SPINK13: variants seen among roughly 807,000 people sequenced by gnomAD.
SPINK13 encodes serine protease inhibitor Kazal-type 13.
Under a neutral mutation model 11.0 loss-of-function variants are expected in SPINK13, and 11 were observed. The observed-to-expected ratio is 1.00, with a 90% CI of 0.63 to 1.65. The LOEUF is 1.65. Ranked by LOEUF, SPINK13 falls within the 40% of genes most tolerant of loss-of-function variation. The pLI is 0.00. For synonymous variants in SPINK13, 31 were observed against 35.6 expected (o/e 0.87, Z 0.46); for missense variants, 113 against 117.7 (o/e 0.96, Z 0.19).
chr5:148,282,229 G>C lies in SPINK13; in HGVS notation c.234G>C (p.Gln78His). The change falls in exon 4 of 5, where the codon CAG becomes CAC. Residue 78 changes from glutamine (Q) to histidine (H), a missense_variant and splice_region_variant. Physicochemically the swap from Gln to His is conservative, Grantham distance 24 (BLOSUM62 0). Coordinates refer to ENST00000398450, the MANE Select transcript of SPINK13 (RefSeq NM_001040129.3). ...ATGAGTGTTTCTTTTGTGTTGAACA[G>C]AGGTAAGTTCAGAATAAAATGCCAT... ...FQNECFFCVE[Q>H]REFHYRIKFE... 6.2e-7 allele frequency: 1 copy of C among 1,614,142 alleles called. No individual in the cohort carries two copies. The highest frequency in any genetic ancestry group is 8.5e-7 in the Non-Finnish European group (1 of 1,180,014).
At chr5:148,280,515 G>A (rs1835914) in intron 3 of SPINK13, among the ~76,000 whole-genome samples, 11,712 of 152,248 alleles carry the variant, frequency 0.077, 1,466 homozygotes, top group African/African-American at 0.27. Flanking sequence ...GCTTTCGTTT[G>A]TTAGTTTGCC....
At chr5:148,269,492 C>T (rs565797223) in intron 1 of SPINK13, among the ~76,000 whole-genome samples, 2 of 152,078 alleles carry the variant, frequency 1.3e-5, no homozygotes, top group East Asian at 1.9e-4. Context: ...TATATTTGAG[C>T]CCATGTGACT....
intron 2 of SPINK13, among the ~76,000 whole-genome samples, chr5:148,273,466 G>A (rs977053993): frequency 2.0e-5 from 3 of 151,746 alleles, no homozygotes; most frequent in Non-Finnish European, 4.4e-5. Flanking sequence ...ATGTAATTTT[G>A]TTTCATTTTT....
intron 4 of SPINK13, among the ~76,000 whole-genome samples, chr5:148,284,232 T>C (rs1375240050): frequency 7.5e-6 from 1 of 134,138 alleles, no homozygotes; most frequent in Non-Finnish European, 1.5e-5. Context: ...TCCTACCTTC[T>C]TTCTTCCTTC....
At chr5:148,270,737 A>G (rs541057156) in intron 2 of SPINK13, 1 of 152,508 alleles carries the variant, frequency 6.6e-6, no homozygotes, top group African/African-American at 2.4e-5. Flanking sequence ...GGATCCTAAG[A>G]TTGAAAAATT....
At chr5:148,281,783 C>A (rs958968751) in intron 3 of SPINK13, among the ~76,000 whole-genome samples, 6 of 152,188 alleles carry the variant, frequency 3.9e-5, no homozygotes, top group Non-Finnish European at 8.8e-5. Flanking sequence ...TTATTCTGAC[C>A]AATGACACTT....
chr5:148,271,405 A>T (rs1756348142), intron 2 of SPINK13, among the ~76,000 whole-genome samples: 1 of 152,210 alleles, frequency 6.6e-6, no homozygotes, highest in Admixed American at 6.5e-5. Context: ...GTAGTATTCA[A>T]TCAACCAATT....
chr5:148,269,108 G>C (rs1756308500), intron 1 of SPINK13: 1 of 152,186 alleles, frequency 6.6e-6, no homozygotes, highest in African/African-American at 2.4e-5. Flanking sequence ...GGATAGAGTA[G>C]GGCGTGAGCA....
chr5:148,270,161 T>C lies in SPINK13; in HGVS notation c.70+19T>C. 6.2e-7 allele frequency: 1 copy of C among 1,610,052 alleles called. No homozygotes were observed. The highest frequency in any genetic ancestry group is 8.5e-7 in the Non-Finnish European group (1 of 1,177,422). Reference sequence around the variant, plus strand: ...TTCTCAGGTGAGTAACCTAAGAGGTTTTGGGAGATAAACTCTGATTTTCTT... The same window carrying C: ...TTCTCAGGTGAGTAACCTAAGAGGTCTTGGGAGATAAACTCTGATTTTCTT... On this transcript the variant is annotated intron_variant, in intron 2 of 4. Transcript: ENST00000398450.
At chr5:148,275,052 G>T (rs1054161239) in intron 3 of SPINK13, among the ~76,000 whole-genome samples, 6 of 152,090 alleles carry the variant, frequency 3.9e-5, no homozygotes, top group Non-Finnish European at 5.9e-5. Flanking sequence ...TGCTACATAG[G>T]TATACATGTG....
chr5:148,276,128 CA>C (rs1756424810), intron 3 of SPINK13, among the ~76,000 whole-genome samples: 3 of 152,138 alleles, frequency 2.0e-5, no homozygotes, highest in Non-Finnish European at 4.4e-5. Flanking sequence ...ATCCTTCACC[CA>C]CTTTTTGATG....
intron 3 of SPINK13, among the ~76,000 whole-genome samples, chr5:148,275,362 A>AT: frequency 6.6e-6 from 1 of 152,184 alleles, no homozygotes; most frequent in African/African-American, 2.4e-5. Context: ...TATGTGCCAC[A>AT]TTTTTTTATC....
chr5:148,271,883 A>G (rs1296387628), intron 2 of SPINK13, among the ~76,000 whole-genome samples: 2 of 151,852 alleles, frequency 1.3e-5, no homozygotes, highest in Non-Finnish European at 2.9e-5. Flanking sequence ...CTGGCCTCCC[A>G]AAGTGCTGGG....
chr5:148,275,468 A>G (rs1756411388), intron 3 of SPINK13, among the ~76,000 whole-genome samples: 1 of 152,158 alleles, frequency 6.6e-6, no homozygotes, highest in African/African-American at 2.4e-5. Flanking sequence ...TTTTTATAAT[A>G]GAATGATTTA....
chr5:148,270,572 A>G (rs543561389), intron 2 of SPINK13, among the ~76,000 whole-genome samples: 2 of 152,336 alleles, frequency 1.3e-5, no homozygotes, highest in Non-Finnish European at 2.9e-5. Context: ...AGAGTTCAGT[A>G]GTAAAAATCA....
intron 3 of SPINK13, among the ~76,000 whole-genome samples, chr5:148,277,787 T>A (rs1581166437): frequency 6.6e-6 from 1 of 152,192 alleles, no homozygotes; most frequent in Non-Finnish European, 1.5e-5. Flanking sequence ...GCTGGCCTCA[T>A]AAAATGAGTT....
intron 3 of SPINK13, among the ~76,000 whole-genome samples, chr5:148,275,021 C>T (rs531683059): frequency 6.6e-6 from 1 of 152,260 alleles, no homozygotes; most frequent in South Asian, 2.1e-4. Flanking sequence ...TTTTGGGATA[C>T]ATGTGCAGAA....
chr5:148,274,227 C>T lies in SPINK13; in HGVS notation c.71-120C>T, dbSNP rs150562873. The T allele has an allele frequency of 6.1e-3, 3,692 of 602,462 alleles. 30 individuals are homozygous for T. The highest frequency in any genetic ancestry group is 5.9e-3 in the Non-Finnish European group (2,082 of 351,674). The allele number at this position is 602,462 out of a possible 1,614,324, so 37.3% of individuals were successfully genotyped here. A position where few individuals can be genotyped will look rare whatever the true frequency, so the allele number is the denominator to read the frequency against. ...TGCAAATTCTATTGCTATTAAAATT[C>T]TTTTGTATATATTTTCATTATTCAA... On this transcript the variant is annotated intron_variant, in intron 2 of 4. Transcript: ENST00000398450.
intron 3 of SPINK13, among the ~76,000 whole-genome samples, chr5:148,277,118 A>T (rs1756442612): frequency 1.3e-5 from 2 of 152,226 alleles, no homozygotes; most frequent in African/African-American, 4.8e-5. Flanking sequence ...ATTTTTGCAC[A>T]TTGATTTTGT....
Sources: gnomAD v4.1 joint callset for allele counts (sites outside exome capture counted in the v4.1 genomes callset) on GRCh38, gnomAD v4.1.1 for gene constraint, MANE v1.5 for transcripts, NCBI Gene and HGNC (gene_info 2026-07-23, HGNC 2026-07-21) for gene names.